CCSER2: variants seen among roughly 807,000 people sequenced by gnomAD.
The protein encoded by CCSER2 is serine-rich coiled-coil domain-containing protein 2.
A neutral mutation model predicts 92.3 loss-of-function variants in CCSER2; 46 were observed. That is an observed-to-expected ratio of 0.50 (90% CI 0.39 to 0.64). CCSER2 has a LOEUF of 0.64. Among genes scored for constraint, CCSER2 ranks in the 30% least tolerant of loss-of-function variants. The pLI, the probability that CCSER2 is intolerant of heterozygous loss-of-function variation, is 0.00. For synonymous variants in CCSER2, 433 were observed against 431.4 expected, an observed-to-expected ratio of 1.00 and a Z score of -0.04; for missense variants, 1,244 against 1,238.9, an observed-to-expected ratio of 1.00 and a Z score of -0.06.
intron 1 of CCSER2, among the ~76,000 whole-genome samples, chr10:84,346,208 G>A (rs756434851): frequency 1.1e-4 from 16 of 152,128 alleles, no homozygotes; most frequent in Non-Finnish European, 1.9e-4. Context: ...GGGATTACAG[G>A]CATGCACCAC....
chr10:84,378,440 T>C (rs1046560029), intron 3 of CCSER2, among the ~76,000 whole-genome samples: 2 of 147,754 alleles, frequency 1.4e-5, no homozygotes, highest in South Asian at 2.1e-4. Flanking sequence ...AAATTTTTTT[T>C]TTTTTTTTTT....
intron 3 of CCSER2, among the ~76,000 whole-genome samples, chr10:84,404,791 C>A (rs1172503436): frequency 6.6e-6 from 1 of 152,140 alleles, no homozygotes; most frequent in African/African-American, 2.4e-5. Context: ...GTAAATATAA[C>A]AATGTTGTTT....
chr10:84,454,406 AT>A (rs2133601596), intron 6 of CCSER2, among the ~76,000 whole-genome samples: 1 of 152,296 alleles, frequency 6.6e-6, no homozygotes, highest in Non-Finnish European at 1.5e-5. Context: ...ATGGACATGA[AT>A]TTCTAGGGGG....
intron 3 of CCSER2, among the ~76,000 whole-genome samples, chr10:84,395,670 A>C (rs1181277088): frequency 1.3e-5 from 2 of 152,198 alleles, no homozygotes; most frequent in African/African-American, 2.4e-5. Flanking sequence ...CACAGATAGG[A>C]AAGTTGGTCT....
At chr10:84,492,717 A>G (rs185143560) in intron 9 of CCSER2, among the ~76,000 whole-genome samples, 4 of 152,220 alleles carry the variant, frequency 2.6e-5, no homozygotes, top group Admixed American at 1.3e-4. Flanking sequence ...GGTAATTGCT[A>G]TGAACCTATG....
At chr10:84,438,834 G>A (rs1844348344) in intron 6 of CCSER2, 127 bp downstream of exon 6, 1 of 607,954 alleles carries the variant, frequency 1.6e-6, no homozygotes, top group African/African-American at 1.9e-5. Context: ...AATAATGCTT[G>A]TAAATAGTAT....
At chr10:84,458,584 A>T (rs566575685) in intron 6 of CCSER2, among the ~76,000 whole-genome samples, 1 of 152,152 alleles carries the variant, frequency 6.6e-6, no homozygotes, top group Non-Finnish European at 1.5e-5. Flanking sequence ...TGGGATTTTG[A>T]TAGGGAGAAT....
At chr10:84,473,763 A>C (rs1436568769) in intron 8 of CCSER2, among the ~76,000 whole-genome samples, 1 of 152,184 alleles carries the variant, frequency 6.6e-6, no homozygotes, top group African/African-American at 2.4e-5. Flanking sequence ...ACTAGGAATT[A>C]AAGGACTTGT....
At chr10:84,336,780 A>C (rs1018134693) in intron 1 of CCSER2, among the ~76,000 whole-genome samples, 3 of 152,230 alleles carry the variant, frequency 2.0e-5, no homozygotes, top group Admixed American at 2.0e-4. Context: ...TAGAACTCTC[A>C]GCTGCTATGT....
intron 9 of CCSER2, among the ~76,000 whole-genome samples, chr10:84,483,989 ATATATAT>A (rs1422282246): frequency 1.1e-3 from 43 of 39,962 alleles, no homozygotes; most frequent in African/African-American, 5.5e-3. Flanking sequence ...ATATATATAT[ATATATAT>A]AATTTTTTTT....
rs1564711630 is a variant in CCSER2 at position 84,483,985 on chromosome 10, AT to A, written c.2325+6322del. Among the ~76,000 whole-genome samples, 406 of 47,112 alleles carry A rather than the reference AT, an allele frequency of 8.6e-3. 1 individual carries two copies. Among genetic ancestry groups the A allele is most frequent in the Middle Eastern group, 0.031 (2 of 64 alleles). 30.9% of individuals were successfully genotyped at this position (47,112 alleles called of 152,430 possible). A position where few individuals can be genotyped will look rare whatever the true frequency, so the allele number is the denominator to read the frequency against. ...TATATATATATATATATATATATATATATATATATATAATTTTTTTTTTTTT... is the reference window on the plus strand; with the variant it reads ...TATATATATATATATATATATATATAATATATATATAATTTTTTTTTTTTT... On this transcript the variant is annotated intron_variant, in intron 9 of 9. Transcript: ENST00000372088.
At chr10:84,423,982 T>TAAAAA (rs3044102) in intron 4 of CCSER2, among the ~76,000 whole-genome samples, 9 of 108,178 alleles carry the variant, frequency 8.3e-5, no homozygotes, top group Non-Finnish European at 1.1e-4. Flanking sequence ...CCCCATCTCT[T>TAAAAA]AAAAAAAAAA....
At chr10:84,399,433 C>T (rs763749862) in intron 3 of CCSER2, among the ~76,000 whole-genome samples, 2 of 152,084 alleles carry the variant, frequency 1.3e-5, no homozygotes, top group Non-Finnish European at 2.9e-5. Flanking sequence ...AACAGTTTAC[C>T]TGAAATCTCT....
chr10:84,344,888 C>T (rs1015273744), intron 1 of CCSER2, among the ~76,000 whole-genome samples: 1 of 152,034 alleles, frequency 6.6e-6, no homozygotes, highest in African/African-American at 2.4e-5. Flanking sequence ...ATGTGATTTC[C>T]CTAAGTTTCA....
intron 9 of CCSER2, among the ~76,000 whole-genome samples, chr10:84,495,686 A>G (rs746895253): frequency 8.8e-4 from 131 of 149,252 alleles, no homozygotes; most frequent in Admixed American, 1.6e-3. Flanking sequence ...TAACCTTTTT[A>G]TCATTTTGTG....
At chr10:84,390,107 T>C (rs1023801117) in intron 3 of CCSER2, among the ~76,000 whole-genome samples, 2 of 152,132 alleles carry the variant, frequency 1.3e-5, no homozygotes, top group African/African-American at 4.8e-5. Flanking sequence ...CACACATGTA[T>C]CAATATTTAT....
At chr10:84,404,571 G>A (rs1218339711) in intron 3 of CCSER2, among the ~76,000 whole-genome samples, 1 of 152,106 alleles carries the variant, frequency 6.6e-6, no homozygotes, top group African/African-American at 2.4e-5. Flanking sequence ...CACCACAGTC[G>A]AGCATGTTTG....
intron 1 of CCSER2, among the ~76,000 whole-genome samples, chr10:84,350,540 G>A (rs966828793): frequency 2.6e-5 from 4 of 152,300 alleles, no homozygotes; most frequent in South Asian, 4.1e-4. Context: ...GGAAACCTGA[G>A]AGGTTATCTA....
At chr10:84,441,778 A>T in intron 6 of CCSER2, among the ~76,000 whole-genome samples, 4 of 79,526 alleles carry the variant, frequency 5.0e-5, no homozygotes, top group South Asian at 4.5e-4. Context: ...TTTTTTTTTG[A>T]GACGAAGTCT....
Sources: gnomAD v4.1 joint callset for allele counts (sites outside exome capture counted in the v4.1 genomes callset) on GRCh38, gnomAD v4.1.1 for gene constraint, MANE v1.5 for transcripts, NCBI Gene and HGNC (gene_info 2026-07-23, HGNC 2026-07-21) for gene names.